Variants in TUT1 observed in about 807,000 individuals in gnomAD.
TUT1 encodes terminal uridylyl transferase 1, U6 snRNA-specific, also known as speckle targeted PIP5K1A-regulated poly(A) polymerase.
TUT1 carries 26 observed loss-of-function variants against 48.8 expected under a neutral mutation model. The observed-to-expected ratio is 0.53, with a 90% confidence interval of 0.39 to 0.74. TUT1 has a LOEUF of 0.74. Ranked by LOEUF, TUT1 falls within the 30% of genes least tolerant of loss-of-function variation. TUT1 has a pLI of 0.00. For missense variants in TUT1, 1,065 were observed against 1,114.8 expected, an observed-to-expected ratio of 0.96 and a Z score of 0.64; for synonymous variants, 470 against 460.8, an observed-to-expected ratio of 1.02 and a Z score of -0.26.
At chr11:62,579,376 C>G (rs1941789452) in intron 4 of TUT1, among the ~76,000 whole-genome samples, 1 of 152,112 alleles carries the variant, frequency 6.6e-6, no homozygotes, top group Non-Finnish European at 1.5e-5. Flanking sequence ...GTAACATTTC[C>G]TCAACTTGAT....
At chr11:62,588,908 G>C in intron 2 of TUT1, 123 bp downstream of exon 2, 1 of 824,698 alleles carries the variant, frequency 1.2e-6, no homozygotes, top group South Asian at 1.9e-5. Flanking sequence ...TGGCCAGGCT[G>C]GTCTCAAACT....
Position 62,575,326 on chromosome 11 carries a change from C to A in TUT1, c.2393G>T (p.Gly798Val), listed in dbSNP as rs1321463766. Residue 798 changes from glycine to valine, a missense_variant, in exon 9 of 9, where the codon GGC becomes GTC. By Grantham distance (109) the Gly-to-Val change is moderately radical. Transcript: ENST00000476907. ...QTKEGAGGGA[G>V]TRAGWLATEA... ...AGTCGCCAGCCACCCTGCTCTTGTGCCAGCGCCACCTCCAGCTCCCTCCTT... is the reference window on the plus strand; with the variant it reads ...AGTCGCCAGCCACCCTGCTCTTGTGACAGCGCCACCTCCAGCTCCCTCCTT... 3 of 1,614,058 alleles carry A rather than the reference C, an allele frequency of 1.9e-6. No individual in the cohort carries two copies.
Position 62,578,937 on chromosome 11 carries a change from G to C in TUT1, c.784C>G (p.Pro262Ala), listed in dbSNP as rs755194402. 4 of 1,559,538 alleles carry C rather than the reference G, an allele frequency of 2.6e-6. No homozygotes were observed. The Admixed American group carries it at 5.7e-5, about 22-fold the overall frequency. Residue 262 changes from proline to alanine, a missense_variant, in exon 5 of 9, where the codon CCA (proline) becomes GCA (alanine). Transcript: ENST00000476907. ...GGAGAAGCAGGAGGTTGTGAATCTG[G>C]AGGGGAAGCTGGGGTGCAGGCCAGG... The part of the protein sequence containing the change: ...QALACTPASP[P>A]DSQPPASPQD...
At chr11:62,584,472 C>T (rs1248076914) in intron 2 of TUT1, among the ~76,000 whole-genome samples, 8 of 132,112 alleles carry the variant, frequency 6.1e-5, no homozygotes, top group African/African-American at 2.0e-4. Flanking sequence ...GATGGAGTTT[C>T]GTTCTGTCAC....
In TUT1 at chr11:62,577,066, C is replaced by G. The variant is rs770659435; in HGVS notation, c.1271-49G>C. The G allele has an allele frequency of 1.9e-6, 3 of 1,590,182 alleles. No homozygotes were observed. The East Asian group carries it at 6.7e-5, about 36-fold the overall frequency. On this transcript the variant is annotated intron_variant, in intron 6 of 8. Transcript: ENST00000476907. ...GGTTAGATCAGAGGTGCTTCTAATC[C>G]CCTCACTGGCAGTTTTCTCAACCCC...
Position 62,575,489 on chromosome 11 carries a change from C to T in TUT1, c.2230G>A (p.Glu744Lys), listed in dbSNP as rs1189094093. Residue 744 changes from glutamate (E) to lysine (K), a missense_variant, in exon 9 of 9, where the codon GAG (glutamate) becomes AAG (lysine). Glu to Lys is a moderately conservative substitution (Grantham distance 56). Coordinates refer to ENST00000476907, the MANE Select transcript of TUT1 (RefSeq NM_022830.3). Reference sequence around the variant, plus strand: ...CCCTGAGACCATTCTTGGGCTGCCTCATGTCCCTTGGGCCCCCGCTCTGCC... The same window carrying T: ...CCCTGAGACCATTCTTGGGCTGCCTTATGTCCCTTGGGCCCCCGCTCTGCC... ...ALAERGPKGHEAAQEWSQGEA... is the reference protein window; with the variant it reads ...ALAERGPKGHKAAQEWSQGEA... The T allele has an allele frequency of 1.9e-5, 31 of 1,612,546 alleles. No individual in the cohort carries two copies. Among genetic ancestry groups the T allele is most frequent in the Non-Finnish European group, 2.5e-5 (29 of 1,180,020 alleles).
Position 62,576,977 on chromosome 11 carries a change from C to T in TUT1, c.1311G>A (p.Leu437=), listed in dbSNP as rs747650893. 2.5e-6 allele frequency: 4 copies of T among 1,614,100 alleles called. No individual in the cohort carries two copies. Among genetic ancestry groups the T allele is most frequent in the Non-Finnish European group, 3.4e-6 (4 of 1,180,020 alleles). The change falls in exon 7 of 9, where the codon CTG becomes CTA. Residue 437 remains leucine, a synonymous_variant. Coordinates refer to ENST00000476907, the MANE Select transcript of TUT1 (RefSeq NM_022830.3). ...CCCTGGTCTGAAGAAAATAGATCAC[C>T]AGCAAGGTCAGGGCGTAGTTACTGA... ...PLLSNYALTL[L]VIYFLQTRDP... is the part of the protein sequence containing the mutation.
chr11:62,587,004 C>A (rs947437188), intron 2 of TUT1, among the ~76,000 whole-genome samples: 3 of 142,200 alleles, frequency 2.1e-5, no homozygotes, highest in African/African-American at 2.6e-5. Context: ...TGTGCCCAGT[C>A]GAGAGAAATA....
rs1941743122 is a variant in TUT1, at chr11:62,577,170, A to G, written c.1270+12T>C. 6.2e-7 allele frequency: 1 copy of G among 1,608,216 alleles called. No individual in the cohort carries two copies. The highest frequency in any genetic ancestry group is 1.7e-5 in the Admixed American group (1 of 58,104). On this transcript the variant is annotated intron_variant, in intron 6 of 8. Coordinates refer to ENST00000476907, the MANE Select transcript of TUT1 (RefSeq NM_022830.3). ...CCAACTCAGCCCCAAGTCTGTCCTGATCCATTCTCACCTGACAGCCCCCGA... is the reference window on the plus strand; with the variant it reads ...CCAACTCAGCCCCAAGTCTGTCCTGGTCCATTCTCACCTGACAGCCCCCGA...
chr11:62,578,437 T>G (rs1055101052), intron 5 of TUT1, 124 bp downstream of exon 5: 2 of 888,280 alleles, frequency 2.3e-6, no homozygotes, highest in Non-Finnish European at 1.7e-6. Flanking sequence ...CCCAGCTACT[T>G]GGGAGGCTGA....
chr11:62,590,371 TC>T (rs1355015399), intron 1 of TUT1, among the ~76,000 whole-genome samples: 4 of 152,026 alleles, frequency 2.6e-5, no homozygotes, highest in Non-Finnish European at 5.9e-5. Flanking sequence ...GCGCGGTGGC[TC>T]AGGCCTGTAA....
In TUT1 at chr11:62,591,488, C is replaced by G. The variant is rs963585085; in HGVS notation, c.-3G>C. On this transcript the variant is annotated 5_prime_UTR_variant, in exon 1 of 9. Coordinates refer to ENST00000476907, the MANE Select transcript of TUT1 (RefSeq NM_022830.3). ...ACATCCGAATCCACCGCCGCCATAGCGACTCTCCTGTACCGACAAAAACAC... is the reference window on the plus strand; with the variant it reads ...ACATCCGAATCCACCGCCGCCATAGGGACTCTCCTGTACCGACAAAAACAC... 1.2e-6 allele frequency: 2 copies of G among 1,611,596 alleles called. No individual in the cohort carries two copies. The highest frequency in any genetic ancestry group is 1.7e-6 in the Non-Finnish European group (2 of 1,178,850).
chr11:62,576,984 G>A lies in TUT1; in HGVS notation c.1304C>T (p.Thr435Ile), dbSNP rs1214451433. The change falls in exon 7 of 9, where the codon ACC becomes ATC. Residue 435 changes from threonine to isoleucine, a missense_variant. Physicochemically the swap from Thr to Ile is moderately conservative, Grantham distance 89. Coordinates refer to ENST00000476907, the MANE Select transcript of TUT1 (RefSeq NM_022830.3). ...SGPLLSNYAL[T>I]LLVIYFLQTR... is the part of the protein sequence containing the mutation. ...CTGAAGAAAATAGATCACCAGCAAGGTCAGGGCGTAGTTACTGAGAAGGGG... is the reference window on the plus strand; with the variant it reads ...CTGAAGAAAATAGATCACCAGCAAGATCAGGGCGTAGTTACTGAGAAGGGG... 2 of 1,613,988 alleles carry A rather than the reference G, an allele frequency of 1.2e-6. No homozygotes were observed. Among genetic ancestry groups the A allele is most frequent in the South Asian group, 1.1e-5 (1 of 91,084 alleles).
Position 62,575,569 on chromosome 11 carries a change from G to C in TUT1, c.2150C>G (p.Thr717Ser). 6.2e-7 allele frequency: 1 copy of C among 1,614,102 alleles called. No individual in the cohort carries two copies. The highest frequency in any genetic ancestry group is 8.5e-7 in the Non-Finnish European group (1 of 1,180,032). ...SPGQPGDLPL[T>S]TGKHGAPGEE... The stretch of plus-strand genomic sequence containing the variant: ...TCCAGGGGCTCCATGCTTTCCAGTG[G>C]TCAGGGGCAGGTCCCCTGGCTGCCC... Residue 717 changes from threonine to serine, a missense_variant, in exon 9 of 9, where the codon ACC becomes AGC. Transcript: ENST00000476907.
chr11:62,583,221 T>C (rs1228578103), intron 2 of TUT1, among the ~76,000 whole-genome samples: 1 of 151,866 alleles, frequency 6.6e-6, no homozygotes, highest in Non-Finnish European at 1.5e-5. Context: ...GAACTCACTA[T>C]CTAGGAATAA....
At chr11:62,588,939 C>T (rs1262529295) in intron 2 of TUT1, 92 bp downstream of exon 2, 3 of 1,250,530 alleles carry the variant, frequency 2.4e-6, no homozygotes, top group Non-Finnish European at 3.4e-6. Flanking sequence ...GGTAATCCGC[C>T]TGCCTCAGCC....
chr11:62,591,521 T>A lies in TUT1; in HGVS notation c.-36A>T, dbSNP rs1008157328. On this transcript the variant is annotated 5_prime_UTR_variant, in exon 1 of 9. Transcript: ENST00000476907. ...CTGTACCGACAAAAACACAAGCACC[T>A]CTGCCACCACCGGAACCCACTTCGC... 4 of 1,613,180 alleles carry A rather than the reference T, an allele frequency of 2.5e-6. No homozygotes were observed. The highest frequency in any genetic ancestry group is 3.4e-6 in the Non-Finnish European group (4 of 1,179,664).
chr11:62,581,477 A>C lies in TUT1; in HGVS notation c.498T>G (p.Leu166=). The C allele has an allele frequency of 6.2e-7, 1 of 1,614,080 alleles. No individual in the cohort carries two copies. The highest frequency in any genetic ancestry group is 2.2e-5 in the East Asian group (1 of 44,880). The part of the protein sequence containing the change: ...AADVGAQMIK[L]VGLRELSEAE... ...CCTCGGACAACTCCCTCAGCCCCACAAGCTTTATCATTTGTGCCCCCACGT... is the reference window on the plus strand; with the variant it reads ...CCTCGGACAACTCCCTCAGCCCCACCAGCTTTATCATTTGTGCCCCCACGT... Residue 166 remains leucine, a synonymous_variant, in exon 3 of 9, where the codon CTT becomes CTG. Coordinates refer to ENST00000476907, the MANE Select transcript of TUT1 (RefSeq NM_022830.3).
At chr11:62,577,408 C>T (rs948056056) in intron 5 of TUT1, 117 bp from the exon 6 acceptor site, 1 of 773,034 alleles carries the variant, frequency 1.3e-6, no homozygotes. Context: ...AGAACAGTTT[C>T]CCCAAATGTT....
Sources: gnomAD v4.1 joint callset for allele counts (sites outside exome capture counted in the v4.1 genomes callset) on GRCh38, gnomAD v4.1.1 for gene constraint, MANE v1.5 for transcripts, NCBI Gene and HGNC (gene_info 2026-07-23, HGNC 2026-07-21) for gene names.